The following DOCK5 variants were observed in gnomAD, a reference collection of about 807,000 sequenced individuals.
DOCK5 encodes dedicator of cytokinesis protein 5.
A neutral mutation model predicts 251.8 loss-of-function variants in DOCK5; 142 were observed. The ratio of observed to expected loss-of-function variants is 0.56; its 90% CI spans 0.49 to 0.65. The LOEUF (loss-of-function observed/expected upper bound fraction) is 0.65, where lower values mean the gene tolerates loss of function less well. Among genes scored for constraint, DOCK5 ranks in the 30% least tolerant of loss-of-function variants. The pLI is 0.00. For missense variants in DOCK5, 2,111 were observed against 2,312.3 expected, an observed-to-expected ratio of 0.91 and a Z score of 1.79; for synonymous variants, 842 against 835.5, an observed-to-expected ratio of 1.01 and a Z score of -0.13.
chr8:25,322,688 C>G (rs996659563), intron 16 of DOCK5, among the ~76,000 whole-genome samples: 22 of 152,170 alleles, frequency 1.4e-4, no homozygotes, highest in African/African-American at 4.6e-4. Context: ...CTACTTTTAT[C>G]TACATTTATA....
chr8:25,189,997 C>T (rs1801534543), intron 1 of DOCK5, among the ~76,000 whole-genome samples: 1 of 152,186 alleles, frequency 6.6e-6, no homozygotes, highest in Non-Finnish European at 1.5e-5. Context: ...AGCGATTCTC[C>T]TGCCTCAGCC....
rs750739702 is a variant in DOCK5 at position 25,400,004 on chromosome 8, G to A, written c.4788+10G>A. On this transcript the variant is annotated intron_variant, in intron 46 of 51. Transcript: ENST00000276440. ...ACTAATAGCATTACAGGTACAGGAC[G>A]GCTTTCCTCTACACTCCCAGGGAGG... The A allele has an allele frequency of 1.2e-5, 19 of 1,611,094 alleles. No homozygotes were observed. The highest frequency in any genetic ancestry group is 6.6e-5 in the South Asian group (6 of 90,586).
chr8:25,375,849 G>A, intron 37 of DOCK5: 1 of 976,162 alleles, frequency 1.0e-6, no homozygotes, highest in Non-Finnish European at 1.2e-6. Flanking sequence ...TGTAATCCCA[G>A]CTCTTTGGGA....
chr8:25,395,650 C>G lies in DOCK5; in HGVS notation c.4635C>G (p.His1545Gln). The change falls in exon 45 of 52, where the codon CAC becomes CAG. Residue 1545 changes from histidine to glutamine, a missense_variant. Transcript: ENST00000276440. ...CCTGGGACCGGTCCCTCTCTGTGCACCCTCTCTCCATGCTGCTCAGTGGCA... is the reference window on the plus strand; with the variant it reads ...CCTGGGACCGGTCCCTCTCTGTGCAGCCTCTCTCCATGCTGCTCAGTGGCA... ...QHAWDRSLSVHPLSMLLSGIV... is the reference protein window; with the variant it reads ...QHAWDRSLSVQPLSMLLSGIV... The G allele has an allele frequency of 6.2e-7, 1 of 1,613,656 alleles. No individual in the cohort carries two copies. The highest frequency in any genetic ancestry group is 8.5e-7 in the Non-Finnish European group (1 of 1,179,810).
At chr8:25,329,145 G>A (rs888540580) in intron 18 of DOCK5, among the ~76,000 whole-genome samples, 3 of 151,760 alleles carry the variant, frequency 2.0e-5, no homozygotes, top group African/African-American at 7.3e-5. Flanking sequence ...TCTCCTTTAG[G>A]GTAGAAGGCA....
At chr8:25,343,683 A>G (rs911382376) in intron 25 of DOCK5, among the ~76,000 whole-genome samples, 3 of 152,182 alleles carry the variant, frequency 2.0e-5, no homozygotes, top group African/African-American at 7.2e-5. Flanking sequence ...CCCACAGGAG[A>G]GCTGGTTACA....
At chr8:25,397,649 A>C (rs1801369128) in intron 45 of DOCK5, among the ~76,000 whole-genome samples, 1 of 152,222 alleles carries the variant, frequency 6.6e-6, no homozygotes, top group Admixed American at 6.5e-5. Context: ...TTCAGTGTGT[A>C]CTTTTTCATA....
chr8:25,405,978 A>G (rs1188406901), intron 48 of DOCK5, among the ~76,000 whole-genome samples: 1 of 152,190 alleles, frequency 6.6e-6, no homozygotes, highest in Non-Finnish European at 1.5e-5. Flanking sequence ...TATTTCTTTG[A>G]GATGGAGTCT....
rs907328659 is a variant in DOCK5 at position 25,290,183 on chromosome 8, TA to T, written c.322-1833del. ...AGCACATAGTGGATGCTCATTAACTTAAAAAAAATTAAAATGAAGACATCAA... is the reference window on the plus strand; with the variant it reads ...AGCACATAGTGGATGCTCATTAACTTAAAAAAATTAAAATGAAGACATCAA... On this transcript the variant is annotated intron_variant, in intron 5 of 51. Coordinates refer to ENST00000276440, the MANE Select transcript of DOCK5 (RefSeq NM_024940.8). Among the ~76,000 whole-genome samples, 5 of 151,994 alleles carry T rather than the reference TA, an allele frequency of 3.3e-5. No homozygotes were observed. In the South Asian group the frequency reaches 1.0e-3, roughly 32 times the overall value.
At chr8:25,276,291 C>T (rs574099603) in intron 4 of DOCK5, among the ~76,000 whole-genome samples, 6 of 152,232 alleles carry the variant, frequency 3.9e-5, no homozygotes, top group African/African-American at 7.2e-5. Context: ...TCATGAGATT[C>T]GAATGAGGTA....
chr8:25,378,705 C>T (rs1801008279), intron 38 of DOCK5, among the ~76,000 whole-genome samples: 1 of 152,214 alleles, frequency 6.6e-6, no homozygotes, highest in Admixed American at 6.5e-5. Context: ...CATGGTTATA[C>T]ATGCTCGGAG....
intron 25 of DOCK5, among the ~76,000 whole-genome samples, chr8:25,342,793 G>A: frequency 7.4e-6 from 1 of 135,952 alleles, no homozygotes; most frequent in Non-Finnish European, 1.5e-5. Context: ...CGGCCTCCCA[G>A]GTTCAAGCAA....
chr8:25,258,159 A>T (rs376129160), intron 2 of DOCK5, among the ~76,000 whole-genome samples: 4 of 151,934 alleles, frequency 2.6e-5, no homozygotes, highest in African/African-American at 7.2e-5. Context: ...TTTGCAGTGG[A>T]AATTTGGATA....
chr8:25,265,509 C>G (rs575674251), intron 2 of DOCK5, among the ~76,000 whole-genome samples: 52 of 151,976 alleles, frequency 3.4e-4, no homozygotes, highest in Non-Finnish European at 5.7e-4. Flanking sequence ...TGTCCTTGGT[C>G]ACCGTATCTA....
chr8:25,291,556 T>C (rs1416568175), intron 5 of DOCK5, among the ~76,000 whole-genome samples: 5 of 151,418 alleles, frequency 3.3e-5, no homozygotes, highest in African/African-American at 1.2e-4. Flanking sequence ...GGTGGCATGC[T>C]CCTGTAGTCC....
Position 25,389,221 on chromosome 8 carries a change from C to G in DOCK5, c.4262C>G (p.Ser1421Cys), listed in dbSNP as rs1350464715. The G allele has an allele frequency of 6.2e-7, 1 of 1,613,906 alleles. No homozygotes were observed. The highest frequency in any genetic ancestry group is 1.1e-5 in the South Asian group (1 of 91,070). ...TTPPGEDIKS[S>C]PKQYMQCFTV... The stretch of plus-strand genomic sequence containing the variant: ...CCTCCTGGGGAAGACATCAAGTCGT[C>G]CCCCAAGCAGTGTATCCTTTCCGGG... The change falls in exon 41 of 52, where the codon TCC (serine) becomes TGC (cysteine). Residue 1421 changes from serine (S) to cysteine (C), a missense_variant. Ser to Cys is a moderately radical substitution (Grantham distance 112). Around this residue, in one of 3 missense-constraint regions of DOCK5, gnomAD observed 1,717 missense variants for 1,892.4 expected, o/e 0.91. Transcript: ENST00000276440.
chr8:25,321,781 T>A (rs912439429), intron 16 of DOCK5, among the ~76,000 whole-genome samples: 1 of 152,056 alleles, frequency 6.6e-6, no homozygotes, highest in Non-Finnish European at 1.5e-5. Context: ...GGGTTTGAGG[T>A]CCCCTGCTCT....
chr8:25,198,184 C>G (rs544954419), intron 1 of DOCK5, among the ~76,000 whole-genome samples: 6 of 152,184 alleles, frequency 3.9e-5, no homozygotes, highest in Non-Finnish European at 8.8e-5. Context: ...TGTATACCTG[C>G]AACAAGTTGC....
rs753426419 is a variant in DOCK5 at position 25,342,429 on chromosome 8, A to G, written c.2539A>G (p.Ile847Val). Residue 847 changes from isoleucine to valine, a missense_variant, in exon 25 of 52, where the codon ATT (isoleucine) becomes GTT (valine). Transcript: ENST00000276440. ...SVLFCKFIQSIPDNQLVRQKL... is the reference protein window; with the variant it reads ...SVLFCKFIQSVPDNQLVRQKL... ...GCTCTTCTGCAAATTCATTCAAAGC[A>G]TTCCTGACAACCAGCTGGTTCGGCA... 4 of 1,599,636 alleles carry G rather than the reference A, an allele frequency of 2.5e-6. No individual in the cohort carries two copies. The highest frequency in any genetic ancestry group is 3.4e-6 in the Non-Finnish European group (4 of 1,171,950).
Sources: allele counts gnomAD v4.1 joint callset (sites outside exome capture counted in the v4.1 genomes callset), GRCh38; gene constraint gnomAD v4.1.1; regional missense constraint gnomAD v4.1.1; transcripts MANE v1.5; gene names NCBI Gene and HGNC (gene_info 2026-07-23, HGNC 2026-07-21).